The following UACA variants were observed in gnomAD, a reference collection of about 807,000 sequenced individuals.
UACA encodes the protein uveal autoantigen with coiled-coil domains and ankyrin repeats.
UACA carries 112 observed loss-of-function variants against 160.5 expected under a neutral mutation model. The ratio of observed to expected loss-of-function variants is 0.70; its 90% CI spans 0.60 to 0.82. The LOEUF (loss-of-function observed/expected upper bound fraction) is 0.82, where lower values mean the gene tolerates loss of function less well. Ranked by LOEUF, UACA falls within the 40% of genes least tolerant of loss-of-function variation. UACA has a pLI of 0.00. For missense variants in UACA, 1,574 were observed against 1,614.6 expected, an observed-to-expected ratio of 0.97 and a Z score of 0.43; for synonymous variants, 557 against 568.4, an observed-to-expected ratio of 0.98 and a Z score of 0.29.
chr15:70,676,622 TCACCC>T, intron 12 of UACA, 31 bp from the exon 13 acceptor site: 1 of 1,557,084 alleles, frequency 6.4e-7, no homozygotes, highest in Admixed American at 1.7e-5. Flanking sequence ...TACAGTAAAA[TCACCC>T]TGTGCTTGGA....
intron 18 of UACA, among the ~76,000 whole-genome samples, chr15:70,657,827 A>G (rs1365074290): frequency 6.6e-6 from 1 of 152,066 alleles, no homozygotes; most frequent in Non-Finnish European, 1.5e-5. Context: ...CACACCTGCA[A>G]TCCCAGCATT....
Position 70,669,281 on chromosome 15 carries a change from G to C in UACA, c.1403C>G (p.Ala468Gly), listed in dbSNP as rs147152893. 23 of 1,613,964 alleles carry C rather than the reference G, an allele frequency of 1.4e-5. No homozygotes were observed. The highest frequency in any genetic ancestry group is 1.8e-5 in the Non-Finnish European group (21 of 1,179,950). ...AGCTTTGCATTCTGCCACTTTGTGT[G>C]CCAGTTCATTTTGGAGCTTCAGTCG... ...QDRLKLQNEL[A>G]HKVAECKALA... Residue 468 changes from alanine to glycine, a missense_variant, in exon 16 of 19, where the codon GCA becomes GGA. By Grantham distance (60) the Ala-to-Gly change is moderately conservative. Transcript: ENST00000322954.
chr15:70,656,580 G>GT lies in UACA; in HGVS notation c.*475dup, dbSNP rs1179689840. ...ATGAAGTTACCTCAGTAAAGATACT[G>GT]TAACATGTAACTTGGCCAGCCAAGT... On this transcript the variant is annotated 3_prime_UTR_variant, in exon 19 of 19. Coordinates refer to ENST00000322954, the MANE Select transcript of UACA (RefSeq NM_018003.4). The GT allele has an allele frequency of 2.0e-5, 3 of 152,510 alleles. No individual in the cohort carries two copies. The highest frequency in any genetic ancestry group is 7.2e-5 in the African/African-American group (3 of 41,426). The allele number at this position is 152,510 out of a possible 1,614,324, so 9.4% of individuals were successfully genotyped here.
chr15:70,680,566 T>C (rs572007352), intron 9 of UACA, among the ~76,000 whole-genome samples: 107 of 152,288 alleles, frequency 7.0e-4, no homozygotes, highest in African/African-American at 2.5e-3. Context: ...GCCCTAACTA[T>C]GTTTACAGCC....
At chr15:70,706,219 C>T (rs954445748) in intron 1 of UACA, among the ~76,000 whole-genome samples, 13 of 152,040 alleles carry the variant, frequency 8.6e-5, no homozygotes, top group Non-Finnish European at 1.6e-4. Context: ...TTTGACAAGA[C>T]TCAACATCCT....
intron 1 of UACA, chr15:70,758,152 A>G (rs1177960970): frequency 6.6e-6 from 1 of 152,220 alleles, no homozygotes. Flanking sequence ...TGGACTCATT[A>G]TGCACCAAAA....
At chr15:70,690,255 T>G (rs1366680511) in intron 5 of UACA, among the ~76,000 whole-genome samples, 199 bp downstream of exon 5, 1 of 152,238 alleles carries the variant, frequency 6.6e-6, no homozygotes, top group African/African-American at 2.4e-5. Flanking sequence ...TCTAGCAAGC[T>G]GACTGGCCTG....
At chr15:70,744,015 C>T (rs886245762) in intron 1 of UACA, among the ~76,000 whole-genome samples, 1 of 151,982 alleles carries the variant, frequency 6.6e-6, no homozygotes, top group Non-Finnish European at 1.5e-5. Flanking sequence ...GAGGCCGAGA[C>T]GGGCGGATCA....
intron 8 of UACA, among the ~76,000 whole-genome samples, 195 bp downstream of exon 8, chr15:70,684,070 T>C (rs546358812): frequency 1.3e-5 from 2 of 152,128 alleles, no homozygotes; most frequent in African/African-American, 4.8e-5. Flanking sequence ...AGATTATATA[T>C]GCAACACACA....
chr15:70,670,484 G>C (rs1324770426), intron 15 of UACA, among the ~76,000 whole-genome samples: 1 of 151,896 alleles, frequency 6.6e-6, no homozygotes, highest in Non-Finnish European at 1.5e-5. Context: ...GCTTCCTTTC[G>C]TTCCTGCTCT....
chr15:70,769,544 T>G, the UACA span, among the ~76,000 whole-genome samples: 1 of 150,804 alleles, frequency 6.6e-6, no homozygotes, highest in Non-Finnish European at 1.5e-5. Context: ...AAGTTATATA[T>G]AAACATATTT....
At chr15:70,715,334 T>C (rs1220448671) in intron 1 of UACA, among the ~76,000 whole-genome samples, 1 of 152,074 alleles carries the variant, frequency 6.6e-6, no homozygotes, top group African/African-American at 2.4e-5. Flanking sequence ...CTCAACAAAG[T>C]AAAAGGCAAA....
At chr15:70,723,367 C>T (rs757395494) in intron 1 of UACA, among the ~76,000 whole-genome samples, 1 of 152,162 alleles carries the variant, frequency 6.6e-6, no homozygotes, top group African/African-American at 2.4e-5. Flanking sequence ...CATCGGTAGT[C>T]CCAGCTACTC....
At chr15:70,772,265 G>C in the UACA span, among the ~76,000 whole-genome samples, 1 of 151,864 alleles carries the variant, frequency 6.6e-6, no homozygotes, top group Non-Finnish European at 1.5e-5. Flanking sequence ...AGGCCGAGGC[G>C]GGTGGATCAT....
intron 5 of UACA, among the ~76,000 whole-genome samples, chr15:70,688,531 C>G (rs1424320289): frequency 6.6e-6 from 1 of 151,800 alleles, no homozygotes; most frequent in Non-Finnish European, 1.5e-5. Flanking sequence ...ATAAGAAAAT[C>G]AAGTAAATTT....
intron 1 of UACA, among the ~76,000 whole-genome samples, chr15:70,704,404 T>A (rs1274333329): frequency 6.6e-6 from 1 of 152,192 alleles, no homozygotes; most frequent in Non-Finnish European, 1.5e-5. Flanking sequence ...CTACTGCTCA[T>A]GGTCGATAAA....
At chr15:70,746,034 G>C (rs1034118866) in intron 1 of UACA, among the ~76,000 whole-genome samples, 11 of 152,248 alleles carry the variant, frequency 7.2e-5, no homozygotes, top group Admixed American at 6.5e-4. Flanking sequence ...AAAAACCCTA[G>C]AAGAGAATCT....
At chr15:70,758,378 T>C (rs1246446496) in intron 1 of UACA, 1 of 152,230 alleles carries the variant, frequency 6.6e-6, no homozygotes, top group South Asian at 2.1e-4. Flanking sequence ...AAGGTAAGCA[T>C]TTTTAATTTA....
intron 2 of UACA, among the ~76,000 whole-genome samples, chr15:70,697,842 G>A (rs1898186257): frequency 1.3e-5 from 2 of 152,162 alleles, no homozygotes; most frequent in South Asian, 4.2e-4. Flanking sequence ...CCAGAGGTCG[G>A]GAGTCCAAGA....
Sources: allele counts gnomAD v4.1 joint callset (sites outside exome capture counted in the v4.1 genomes callset), GRCh38; gene constraint gnomAD v4.1.1; transcripts MANE v1.5; gene names NCBI Gene and HGNC (gene_info 2026-07-23, HGNC 2026-07-21).